GRID1: variants seen among roughly 807,000 people sequenced by gnomAD.
GRID1 encodes glutamate ionotropic receptor delta type subunit 1, also known as glutamate receptor ionotropic, delta-1.
A neutral mutation model predicts 98.0 loss-of-function variants in GRID1; 28 were observed. The ratio of observed to expected loss-of-function variants is 0.29; its 90% CI spans 0.21 to 0.39. The LOEUF is 0.39. GRID1 is among the 10% of genes least tolerant of loss of function. GRID1 has a pLI of 1.00. For missense variants in GRID1, 1,111 were observed against 1,340.5 expected, an observed-to-expected ratio of 0.83 and a Z score of 2.67; for synonymous variants, 553 against 538.5, an observed-to-expected ratio of 1.03 and a Z score of -0.37.
At chr10:86,281,299 G>A (rs1847353673) in intron 2 of GRID1, among the ~76,000 whole-genome samples, 1 of 152,240 alleles carries the variant, frequency 6.6e-6, no homozygotes, top group South Asian at 2.1e-4. Flanking sequence ...CTGACGCTGA[G>A]CTGCTGGGAT....
chr10:85,830,554 ATG>A (rs1418396247), intron 8 of GRID1, among the ~76,000 whole-genome samples: 8 of 412 alleles, frequency 0.019, no homozygotes, highest in Non-Finnish European at 0.038. Flanking sequence ...TTTGCAAACT[ATG>A]CAAACTATGC....
intron 4 of GRID1, among the ~76,000 whole-genome samples, chr10:86,131,060 T>C (rs1212697257): frequency 6.6e-6 from 1 of 152,188 alleles, no homozygotes. Flanking sequence ...TGTTTAGGGA[T>C]GCCATGTGCA....
chr10:86,282,312 C>A (rs1487361929), intron 2 of GRID1, among the ~76,000 whole-genome samples: 1 of 152,170 alleles, frequency 6.6e-6, no homozygotes, highest in African/African-American at 2.4e-5. Context: ...CATTGGACCT[C>A]TCTGGGCCTC....
chr10:85,644,000 A>C (rs945300150), intron 13 of GRID1: 1 of 152,188 alleles, frequency 6.6e-6, no homozygotes, highest in Non-Finnish European at 1.5e-5. Flanking sequence ...AGCTAGAACA[A>C]TGATGAGGTG....
At chr10:85,684,093 G>T (rs1476013010) in intron 12 of GRID1, among the ~76,000 whole-genome samples, 1 of 152,210 alleles carries the variant, frequency 6.6e-6, no homozygotes. Flanking sequence ...CTCACAATAT[G>T]TGCAGATTCT....
At chr10:85,863,818 C>T (rs904324687) in intron 6 of GRID1, among the ~76,000 whole-genome samples, 1 of 152,122 alleles carries the variant, frequency 6.6e-6, no homozygotes, top group African/African-American at 2.4e-5. Flanking sequence ...ACTTCAGTCA[C>T]GTTTTATTAG....
chr10:86,104,700 C>T (rs1844354195), intron 4 of GRID1, among the ~76,000 whole-genome samples: 2 of 152,216 alleles, frequency 1.3e-5, no homozygotes, highest in Admixed American at 6.5e-5. Flanking sequence ...CCCTCCAGGC[C>T]CTCAGGACCA....
intron 4 of GRID1, among the ~76,000 whole-genome samples, chr10:85,964,619 A>C (rs1842313508): frequency 6.6e-6 from 1 of 152,216 alleles, no homozygotes; most frequent in African/African-American, 2.4e-5. Flanking sequence ...TCCCTTCCTT[A>C]CACCTTTTAC....
chr10:86,067,322 C>A (rs1843736032), intron 4 of GRID1, among the ~76,000 whole-genome samples: 1 of 152,182 alleles, frequency 6.6e-6, no homozygotes, highest in Admixed American at 6.5e-5. Context: ...GATCCTGAGA[C>A]AGCAGCAGCC....
intron 4 of GRID1, among the ~76,000 whole-genome samples, chr10:85,945,761 G>A (rs1417429792): frequency 6.6e-6 from 1 of 152,172 alleles, no homozygotes; most frequent in African/African-American, 2.4e-5. Context: ...ATACTTCACT[G>A]TGGAAGTTTT....
intron 12 of GRID1, among the ~76,000 whole-genome samples, chr10:85,676,992 C>T (rs2132591366): frequency 6.6e-6 from 1 of 152,162 alleles, no homozygotes; most frequent in East Asian, 1.9e-4. Flanking sequence ...CCTACAGTGG[C>T]TGCTGTTTGC....
chr10:86,095,004 A>G (rs1844200801), intron 4 of GRID1, among the ~76,000 whole-genome samples: 1 of 152,206 alleles, frequency 6.6e-6, no homozygotes, highest in Admixed American at 6.5e-5. Context: ...AGGCACATAG[A>G]CCAATGGAAC....
At chr10:85,931,984 G>C (rs1312028844) in intron 4 of GRID1, among the ~76,000 whole-genome samples, 2 of 152,130 alleles carry the variant, frequency 1.3e-5, no homozygotes, top group Admixed American at 6.5e-5. Flanking sequence ...GGCATCCTGG[G>C]AGCAGGTCAG....
At chr10:85,919,208 G>A (rs1841665238) in intron 4 of GRID1, among the ~76,000 whole-genome samples, 1 of 152,244 alleles carries the variant, frequency 6.6e-6, no homozygotes. Context: ...ACCCCAGGGA[G>A]CAGGTGGGAG....
At chr10:85,940,755 C>G (rs1841988230) in intron 4 of GRID1, among the ~76,000 whole-genome samples, 1 of 152,166 alleles carries the variant, frequency 6.6e-6, no homozygotes, top group African/African-American at 2.4e-5. Flanking sequence ...TTCTGGATGG[C>G]CTGGACAAAA....
At chr10:85,817,632 GC>G (rs1344517493) in intron 8 of GRID1, among the ~76,000 whole-genome samples, 6 of 152,112 alleles carry the variant, frequency 3.9e-5, no homozygotes, top group Non-Finnish European at 7.4e-5. Flanking sequence ...AGTGGCTCAC[GC>G]CTGTAATCCC....
At chr10:85,913,759 C>T (rs919718066) in intron 5 of GRID1, among the ~76,000 whole-genome samples, 5 of 152,104 alleles carry the variant, frequency 3.3e-5, no homozygotes, top group African/African-American at 1.2e-4. Flanking sequence ...CACTGCACTT[C>T]AGCCTGGGTG....
rs913727708 is a variant in GRID1 at position 85,724,520 on chromosome 10, C to T, written c.1690G>A (p.Ala564Thr). The T allele has an allele frequency of 1.5e-5, 24 of 1,614,010 alleles. No homozygotes were observed. Among genetic ancestry groups the T allele is most frequent in the Admixed American group, 5.0e-5 (3 of 60,028 alleles). ...IFSLFAPFDF[A>T]VWACIAAAIP... ...GCTGCTGCAATGCAGGCCCACACAG[C>T]GAAATCAAATGGAGCAAAGAGGGAG... The change falls in exon 11 of 16, where the codon GCT becomes ACT. Residue 564 changes from alanine to threonine, a missense_variant. Physicochemically the swap from Ala to Thr is moderately conservative, Grantham distance 58. Coordinates refer to ENST00000327946, the MANE Select transcript of GRID1 (RefSeq NM_017551.3).
intron 13 of GRID1, among the ~76,000 whole-genome samples, chr10:85,632,133 T>C (rs760155663): frequency 6.6e-6 from 1 of 152,056 alleles, no homozygotes; most frequent in Non-Finnish European, 1.5e-5. Context: ...GGATGGCAAG[T>C]AGAATCTGGG....
Sources: gnomAD v4.1 joint callset for allele counts (sites outside exome capture counted in the v4.1 genomes callset) on GRCh38, gnomAD v4.1.1 for gene constraint, MANE v1.5 for transcripts, NCBI Gene and HGNC (gene_info 2026-07-23, HGNC 2026-07-21) for gene names.